Variants in TASP1 observed in about 807,000 individuals in gnomAD.
The protein encoded by TASP1 is threonine aspartase 1.
A neutral mutation model predicts 56.6 loss-of-function variants in TASP1; 16 were observed. The observed-to-expected ratio is 0.28, with a 90% CI of 0.19 to 0.43. The LOEUF is 0.43. Among genes scored for constraint, TASP1 ranks in the 20% least tolerant of loss-of-function variants. The probability of loss-of-function intolerance (pLI) is 1.00; values close to 1 mark genes in which losing one functional copy is unlikely to be tolerated. For missense variants in TASP1, 393 were observed against 511.6 expected, an observed-to-expected ratio of 0.77 and a Z score of 2.24; for synonymous variants, 179 against 184.2, an observed-to-expected ratio of 0.97 and a Z score of 0.23.
chr20:13,531,645 T>C (rs1020149871), intron 9 of TASP1, among the ~76,000 whole-genome samples: 4 of 151,566 alleles, frequency 2.6e-5, no homozygotes, highest in Admixed American at 1.3e-4. Context: ...GTGTCAGCCA[T>C]CATGCTCAGA....
At chr20:13,225,393 T>C in the TASP1 span, among the ~76,000 whole-genome samples, 4 of 152,210 alleles carry the variant, frequency 2.6e-5, no homozygotes, top group East Asian at 7.7e-4. Context: ...TTTTCAAATG[T>C]ATCTTGACAG....
chr20:13,428,651 G>A (rs1248402351), intron 12 of TASP1, among the ~76,000 whole-genome samples: 1 of 152,174 alleles, frequency 6.6e-6, no homozygotes, highest in Non-Finnish European at 1.5e-5. Context: ...GGAGGTGGCA[G>A]GATGGGTGTT....
intron 1 of TASP1, among the ~76,000 whole-genome samples, 178 bp from the exon 2 acceptor site, chr20:13,630,330 C>T (rs544483128): frequency 3.9e-4 from 59 of 152,102 alleles, no homozygotes; most frequent in African/African-American, 1.3e-3. Context: ...CCATTGAAGT[C>T]GGATAAAATT....
At chr20:13,215,943 G>A in the TASP1 span, among the ~76,000 whole-genome samples, 32,664 of 152,054 alleles carry the variant, frequency 0.21, 3,866 homozygotes, top group Non-Finnish European at 0.27. Context: ...TGACCCCTTC[G>A]TAGTTCAAAG....
At chr20:13,279,987 G>A in the TASP1 span, 2 of 1,300,016 alleles carry the variant, frequency 1.5e-6, no homozygotes, top group Non-Finnish European at 2.1e-6. Flanking sequence ...ACCCTGCTTA[G>A]AGCATGTGGC....
chr20:13,257,067 A>G, the TASP1 span, among the ~76,000 whole-genome samples: 19,782 of 152,198 alleles, frequency 0.13, 1,600 homozygotes, highest in African/African-American at 0.21. Context: ...TGTTTTTACC[A>G]CACAGATGCT....
chr20:13,355,681 T>C, the TASP1 span, among the ~76,000 whole-genome samples: 221 of 152,306 alleles, frequency 1.5e-3, no homozygotes, highest in African/African-American at 4.8e-3. Flanking sequence ...TTATGTGTAA[T>C]GTGATGGCAA....
chr20:13,217,364 A>T, the TASP1 span, among the ~76,000 whole-genome samples: 1 of 152,200 alleles, frequency 6.6e-6, no homozygotes, highest in African/African-American at 2.4e-5. Flanking sequence ...TAGTAAAAAA[A>T]ATTAAGGATT....
At chr20:13,561,107 A>G (rs1031314374) in intron 7 of TASP1, among the ~76,000 whole-genome samples, 1 of 152,230 alleles carries the variant, frequency 6.6e-6, no homozygotes, top group South Asian at 2.1e-4. Context: ...GGAAGTGGCC[A>G]AACGATCCTT....
the TASP1 span, among the ~76,000 whole-genome samples, chr20:13,294,839 G>A: frequency 2.6e-5 from 4 of 152,096 alleles, no homozygotes; most frequent in African/African-American, 9.7e-5. Flanking sequence ...CTATTTTTAT[G>A]CCCAAATTAC....
the TASP1 span, among the ~76,000 whole-genome samples, chr20:13,172,466 A>AT: frequency 1.6e-4 from 25 of 152,270 alleles, no homozygotes; most frequent in Admixed American, 5.2e-4. Context: ...ATCTTATAGG[A>AT]TAAAAAGGGG....
intron 10 of TASP1, among the ~76,000 whole-genome samples, chr20:13,514,515 T>A (rs539776565): frequency 5.9e-5 from 9 of 152,232 alleles, no homozygotes; most frequent in African/African-American, 2.2e-4. Context: ...ATCTGCTCCC[T>A]CCGTTAGGAT....
the TASP1 span, among the ~76,000 whole-genome samples, chr20:13,298,104 GATTT>G: frequency 1.3e-5 from 2 of 151,748 alleles, no homozygotes; most frequent in East Asian, 1.9e-4. Flanking sequence ...TTTTATTATT[GATTT>G]ATTTATTTGT....
chr20:13,290,517 C>T, the TASP1 span, among the ~76,000 whole-genome samples: 6 of 152,050 alleles, frequency 3.9e-5, no homozygotes, highest in East Asian at 3.9e-4. Flanking sequence ...GGCATGGTGG[C>T]GGGCGCCTGT....
intron 10 of TASP1, among the ~76,000 whole-genome samples, chr20:13,526,885 A>C (rs1245241250): frequency 1.3e-5 from 2 of 152,128 alleles, no homozygotes; most frequent in Non-Finnish European, 2.9e-5. Flanking sequence ...GGGGATGAAG[A>C]ATGAAATGTT....
At chr20:13,586,147 G>A (rs1364683714) in intron 5 of TASP1, among the ~76,000 whole-genome samples, 2 of 139,822 alleles carry the variant, frequency 1.4e-5, no homozygotes, top group African/African-American at 2.7e-5. Context: ...TGCACTCCAG[G>A]CTGGGTAACA....
At chr20:13,207,651 C>A in the TASP1 span, among the ~76,000 whole-genome samples, 1 of 152,158 alleles carries the variant, frequency 6.6e-6, no homozygotes, top group African/African-American at 2.4e-5. Context: ...GCAGAGAGAG[C>A]AAATTCTTCC....
At chr20:13,415,795 A>T (rs1018947619) in intron 13 of TASP1, among the ~76,000 whole-genome samples, 1 of 152,184 alleles carries the variant, frequency 6.6e-6, no homozygotes, top group African/African-American at 2.4e-5. Flanking sequence ...TTAATAACAT[A>T]ATCATACCCC....
At chr20:13,593,821 C>G (rs1277604683) in intron 4 of TASP1, among the ~76,000 whole-genome samples, 2 of 152,200 alleles carry the variant, frequency 1.3e-5, no homozygotes, top group Admixed American at 1.3e-4. Context: ...CTTAAACGTC[C>G]CTGTCTGATA....
Sources: allele counts gnomAD v4.1 joint callset (sites outside exome capture counted in the v4.1 genomes callset), GRCh38; gene constraint gnomAD v4.1.1; transcripts MANE v1.5; gene names NCBI Gene and HGNC (gene_info 2026-07-23, HGNC 2026-07-21).